The following BAIAP2L1 variants were observed in gnomAD, a reference collection of about 807,000 sequenced individuals.
BAIAP2L1 encodes the protein BAR/IMD domain containing adaptor protein 2 like 1.
Under a neutral mutation model 66.3 loss-of-function variants are expected in BAIAP2L1, and 35 were observed. The observed-to-expected ratio is 0.53, with a 90% confidence interval of 0.40 to 0.70. The LOEUF is 0.70. Ranked by LOEUF, BAIAP2L1 falls within the 30% of genes least tolerant of loss-of-function variation. BAIAP2L1 has a pLI of 0.00. For missense variants in BAIAP2L1, 622 were observed against 656.9 expected (o/e 0.95, Z 0.58); for synonymous variants, 269 against 248.7 (o/e 1.08, Z -0.77).
Position 98,361,095 on chromosome 7 carries a change from G to A in BAIAP2L1, c.127+1262C>T, listed in dbSNP as rs183298094. ...TAAGAGGCTGGGTGTGGTGGCTTAA[G>A]TTTATAATCCTAGCACTTTGGGAGG... On this transcript the variant is annotated intron_variant, in intron 2 of 13. Transcript: ENST00000005260. Among the ~76,000 whole-genome samples the A allele has an allele frequency of 2.0e-5, 3 of 152,234 alleles. No homozygotes were observed. In the East Asian group the frequency reaches 5.8e-4, roughly 29 times the overall value.
At chr7:98,324,185 A>G (rs1801322762) in intron 3 of BAIAP2L1, among the ~76,000 whole-genome samples, 1 of 152,232 alleles carries the variant, frequency 6.6e-6, no homozygotes, top group African/African-American at 2.4e-5. Flanking sequence ...TTTTGGGAAG[A>G]AACTCAGCGC....
At chr7:98,305,036 T>C (rs1800589964) in intron 11 of BAIAP2L1, among the ~76,000 whole-genome samples, 1 of 117,766 alleles carries the variant, frequency 8.5e-6, no homozygotes, top group African/African-American at 4.1e-5. Flanking sequence ...CAGCTAATTT[T>C]TTTGTTTTTT....
chr7:98,352,801 C>G (rs1447827312), intron 3 of BAIAP2L1, among the ~76,000 whole-genome samples: 1 of 152,106 alleles, frequency 6.6e-6, no homozygotes, highest in African/African-American at 2.4e-5. Flanking sequence ...ATTAGGAACT[C>G]ACGACTGACT....
intron 1 of BAIAP2L1, among the ~76,000 whole-genome samples, chr7:98,382,473 G>C (rs1336488025): frequency 6.6e-6 from 1 of 152,030 alleles, no homozygotes; most frequent in African/African-American, 2.4e-5. Context: ...CAGGGAGACT[G>C]TGTCTCTACA....
rs538221196 is a variant in BAIAP2L1 at position 98,306,218 on chromosome 7, G to A, written c.1241+221C>T. On this transcript the variant is annotated intron_variant, in intron 11 of 13. Coordinates refer to ENST00000005260, the MANE Select transcript of BAIAP2L1 (RefSeq NM_018842.5). ...GAGTTTCAGAGGGCTGCAGGACTGCGAGGAGTAGGTGGCCTGGGCTGGGTC... is the reference window on the plus strand; with the variant it reads ...GAGTTTCAGAGGGCTGCAGGACTGCAAGGAGTAGGTGGCCTGGGCTGGGTC... Among the ~76,000 whole-genome samples, 4 of 152,264 alleles carry A rather than the reference G, an allele frequency of 2.6e-5. No homozygotes were observed. In the South Asian group the frequency reaches 8.3e-4, roughly 32 times the overall value.
At position 98,355,115 on chromosome 7, in the gene BAIAP2L1, T is replaced by C; in HGVS notation, c.141A>G (p.Ala47=). ...CCACTCCATCGTAGTAGGCTTTTCC[T>C]GCCAGGATCATAGCTAGACACAAAA... is the stretch of plus-strand genomic sequence containing the variant. The part of the protein sequence containing the change: ...YEKAVNAMIL[A]GKAYYDGVAK... The change falls in exon 3 of 14, where the codon GCA becomes GCG. Residue 47 remains alanine, a synonymous_variant. Coordinates refer to ENST00000005260, the MANE Select transcript of BAIAP2L1 (RefSeq NM_018842.5). 4.3e-6 allele frequency: 7 copies of C among 1,612,884 alleles called. No individual in the cohort carries two copies. The highest frequency in any genetic ancestry group is 5.9e-6 in the Non-Finnish European group (7 of 1,178,898).
In BAIAP2L1 at chr7:98,294,057, T is replaced by C. The variant is rs189766591; in HGVS notation, c.1460+17A>G. The C allele has an allele frequency of 7.0e-5, 113 of 1,613,492 alleles. 4 individuals are homozygous for C. The South Asian group carries it at 1.1e-3, about 16-fold the overall frequency. On this transcript the variant is annotated intron_variant, in intron 13 of 13. Transcript: ENST00000005260. ...GCAATGTCACACACTGAGGCTCACG[T>C]AGGAAGCCACGCCTACCTGAGAAAA...
intron 3 of BAIAP2L1, among the ~76,000 whole-genome samples, chr7:98,339,733 C>T (rs1554335545): frequency 6.6e-6 from 1 of 152,236 alleles, no homozygotes; most frequent in Non-Finnish European, 1.5e-5. Flanking sequence ...CTCTCAACCC[C>T]ACTCCCCAAT....
At chr7:98,365,830 C>T (rs1802378636) in intron 1 of BAIAP2L1, among the ~76,000 whole-genome samples, 2 of 152,162 alleles carry the variant, frequency 1.3e-5, no homozygotes, top group African/African-American at 4.8e-5. Context: ...TTTATAGATG[C>T]AGTATCTTCT....
At chr7:98,354,131 G>T (rs954355745) in intron 3 of BAIAP2L1, among the ~76,000 whole-genome samples, 2 of 151,820 alleles carry the variant, frequency 1.3e-5, no homozygotes, top group Non-Finnish European at 2.9e-5. Context: ...GACCCAGATC[G>T]CCTCTGCACC....
chr7:98,380,108 C>T (rs1368133085), intron 1 of BAIAP2L1, among the ~76,000 whole-genome samples: 3 of 149,876 alleles, frequency 2.0e-5, no homozygotes, highest in East Asian at 2.0e-4. Flanking sequence ...TAGGGACTCT[C>T]ACTCTGTCAC....
At position 98,306,394 on chromosome 7, in the gene BAIAP2L1, CAG is replaced by C. The variant is rs750590387; in HGVS notation, c.1241+43_1241+44del. 410 of 1,604,080 alleles carry C rather than the reference CAG, an allele frequency of 2.6e-4. 2 individuals are homozygous for C. Among genetic ancestry groups the C allele is most frequent in the East Asian group, 7.6e-4 (34 of 44,824 alleles). On this transcript the variant is annotated intron_variant, in intron 11 of 13. Transcript: ENST00000005260. ...GTGGTGTGTTACAGAAACGACAAGG[CAG>C]GGGTTTCTGTCACCGGGAGAGCTCA...
At chr7:98,364,986 C>CAAAAAAAAAAAAAAAAAAAAA (rs531177927) in intron 1 of BAIAP2L1, among the ~76,000 whole-genome samples, 3 of 30,780 alleles carry the variant, frequency 9.7e-5, no homozygotes, top group Non-Finnish European at 1.6e-4. Flanking sequence ...GGATATGTCT[C>CAAAAAAAAAAAAAAAAAAAAA]AAAAAAAAAA....
At chr7:98,365,372 C>G (rs187530096) in intron 1 of BAIAP2L1, among the ~76,000 whole-genome samples, 1 of 152,084 alleles carries the variant, frequency 6.6e-6, no homozygotes, top group Non-Finnish European at 1.5e-5. Flanking sequence ...TGTTCTATAA[C>G]GCTAACAGAT....
intron 2 of BAIAP2L1, among the ~76,000 whole-genome samples, chr7:98,360,268 C>T (rs1238189693): frequency 6.6e-6 from 1 of 151,880 alleles, no homozygotes; most frequent in Non-Finnish European, 1.5e-5. Context: ...GTCTCGAATT[C>T]CTGGGCTAAA....
intron 2 of BAIAP2L1, 89 bp from the exon 3 acceptor site, chr7:98,355,217 C>T (rs1562782221): frequency 5.6e-6 from 5 of 897,074 alleles, no homozygotes; most frequent in South Asian, 2.8e-5. Context: ...CCCCTGGTCC[C>T]TTCTGGCTGC....
chr7:98,305,047 GTTTT>G (rs59633894), intron 11 of BAIAP2L1, among the ~76,000 whole-genome samples: 2,294 of 100,530 alleles, frequency 0.023, 101 homozygotes, highest in African/African-American at 0.092. Context: ...TTTGTTTTTT[GTTTT>G]TTTTTTTTTT....
intron 2 of BAIAP2L1, among the ~76,000 whole-genome samples, chr7:98,357,835 A>G (rs1802173754): frequency 6.6e-6 from 1 of 152,172 alleles, no homozygotes; most frequent in South Asian, 2.1e-4. Flanking sequence ...ATTCTGGGAC[A>G]TACCCAAGGT....
At chr7:98,396,373 TTTA>T (rs1246281159) in intron 1 of BAIAP2L1, among the ~76,000 whole-genome samples, 1 of 152,108 alleles carries the variant, frequency 6.6e-6, no homozygotes, top group Non-Finnish European at 1.5e-5. Context: ...CTAGCCTCAT[TTTA>T]TTAAGAGAGT....
Sources: allele counts gnomAD v4.1 joint callset (sites outside exome capture counted in the v4.1 genomes callset), GRCh38; gene constraint gnomAD v4.1.1; transcripts MANE v1.5; gene names NCBI Gene and HGNC (gene_info 2026-07-23, HGNC 2026-07-21).